NR5A2: variants seen among roughly 807,000 people sequenced by gnomAD.
NR5A2 encodes the protein nuclear receptor subfamily 5 group A member 2, also known as CYP7A promoter-binding factor.
In NR5A2, 26 loss-of-function variants were observed where a neutral mutation model predicts 62.7. The observed-to-expected ratio is 0.41, with a 90% CI of 0.30 to 0.58. The LOEUF (loss-of-function observed/expected upper bound fraction) is 0.58. NR5A2 is among the 20% of genes least tolerant of loss of function. The probability of loss-of-function intolerance (pLI) is 0.22; values close to 1 mark genes in which losing one functional copy is unlikely to be tolerated. For missense variants in NR5A2, 541 were observed against 669.1 expected (o/e 0.81, Z 2.11); for synonymous variants, 246 against 241.7 (o/e 1.02, Z -0.16).
At chr1:200,068,991 A>G (rs551896587) in intron 5 of NR5A2, among the ~76,000 whole-genome samples, 33 of 152,338 alleles carry the variant, frequency 2.2e-4, no homozygotes, top group Middle Eastern at 3.4e-3. Context: ...ACTATCAAGA[A>G]AGTCATGCCT....
chr1:200,104,953 A>G (rs754570210), intron 5 of NR5A2, among the ~76,000 whole-genome samples: 7 of 152,038 alleles, frequency 4.6e-5, no homozygotes, highest in Non-Finnish European at 1.0e-4. Flanking sequence ...GTGAACCACC[A>G]TGCCTGGCCT....
intron 5 of NR5A2, among the ~76,000 whole-genome samples, chr1:200,107,061 C>CAGTCA (rs1665712401): frequency 1.3e-5 from 2 of 152,152 alleles, no homozygotes; most frequent in Admixed American, 6.5e-5. Flanking sequence ...AATTAACAAT[C>CAGTCA]AGTCAAGTCT....
At chr1:200,085,673 A>AAAAAG (rs1283961056) in intron 5 of NR5A2, among the ~76,000 whole-genome samples, 1,249 of 114,334 alleles carry the variant, frequency 0.011, 15 homozygotes, top group African/African-American at 0.026. Flanking sequence ...AAAAAAAAAA[A>AAAAAG]AAAAGAAAAG....
chr1:200,094,018 A>C (rs1396334533), intron 5 of NR5A2, among the ~76,000 whole-genome samples: 1 of 151,844 alleles, frequency 6.6e-6, no homozygotes, highest in Non-Finnish European at 1.5e-5. Flanking sequence ...AAAATACAAA[A>C]ATTTGCTGGT....
chr1:200,161,053 T>C (rs1257097970), intron 7 of NR5A2, among the ~76,000 whole-genome samples: 1 of 152,038 alleles, frequency 6.6e-6, no homozygotes, highest in Non-Finnish European at 1.5e-5. Flanking sequence ...ATGTTTCCTA[T>C]GCTTTGGGAG....
chr1:200,057,128 G>A (rs1352418634), intron 5 of NR5A2, among the ~76,000 whole-genome samples: 1 of 152,164 alleles, frequency 6.6e-6, no homozygotes, highest in Non-Finnish European at 1.5e-5. Flanking sequence ...GTCAATTTAT[G>A]AAAAACCATT....
intron 5 of NR5A2, among the ~76,000 whole-genome samples, chr1:200,049,075 T>C (rs141664591): frequency 1.2e-3 from 181 of 152,292 alleles, no homozygotes; most frequent in African/African-American, 3.8e-3. Flanking sequence ...GGCTTTTTTT[T>C]CTAAATAGTA....
rs181507388 is a variant in NR5A2, at chr1:200,119,524, C to T, written c.1231-1284C>T. On this transcript the variant is annotated intron_variant, in intron 6 of 7. Coordinates refer to ENST00000367362, the MANE Select transcript of NR5A2 (RefSeq NM_205860.3). ...CTGGGCTTTCCCATTATGCTGTAAT[C>T]GCAGCAGCAAAGCCAGTGCTATCAC... Among the ~76,000 whole-genome samples the T allele has an allele frequency of 2.2e-3, 332 of 152,270 alleles. 1 individual carries two copies. The highest frequency in any genetic ancestry group is 7.7e-3 in the African/African-American group (322 of 41,560).
intron 5 of NR5A2, among the ~76,000 whole-genome samples, chr1:200,075,556 AC>A (rs1663985466): frequency 6.6e-6 from 1 of 152,282 alleles, no homozygotes; most frequent in Non-Finnish European, 1.5e-5. Context: ...TAAGTGCCAC[AC>A]AGAGAAGAGG....
intron 6 of NR5A2, among the ~76,000 whole-genome samples, chr1:200,116,328 G>A (rs1666213213): frequency 6.6e-6 from 1 of 152,088 alleles, no homozygotes; most frequent in African/African-American, 2.4e-5. Flanking sequence ...TAAATAATGT[G>A]GTGAATTTGT....
intron 2 of NR5A2, among the ~76,000 whole-genome samples, chr1:200,042,162 T>C (rs1662120968): frequency 6.6e-6 from 1 of 152,004 alleles, no homozygotes; most frequent in Admixed American, 6.5e-5. Flanking sequence ...CATCCCTTTA[T>C]TAATATTTCA....
chr1:200,045,592 T>C lies in NR5A2; in HGVS notation c.463+8T>C. 1 of 1,605,900 alleles carries C rather than the reference T, an allele frequency of 6.2e-7. No homozygotes were observed. Among genetic ancestry groups the C allele is most frequent in the Non-Finnish European group, 8.5e-7 (1 of 1,176,812 alleles). On this transcript the variant is annotated splice_region_variant and intron_variant, in intron 4 of 7. Coordinates refer to ENST00000367362, the MANE Select transcript of NR5A2 (RefSeq NM_205860.3). ...TTGGAATGAAGCTAGAAGGTAAGAT[T>C]CTTCTAAAGACTACTGCCTATTAAA...
Position 200,120,924 on chromosome 1 carries a change from A to G in NR5A2, c.1347A>G (p.Val449=), listed in dbSNP as rs146607552. ...RSLQFDQREF[V]CLKFLVLFSL... is the part of the protein sequence containing the mutation. Reference sequence around the variant, plus strand: ...TCCAGTTTGATCAACGAGAGTTCGTATGTCTGAAATTCTTGGTGCTCTTTA... The same window carrying G: ...TCCAGTTTGATCAACGAGAGTTCGTGTGTCTGAAATTCTTGGTGCTCTTTA... Residue 449 remains valine (V), a synonymous_variant, in exon 7 of 8, where the codon GTA becomes GTG. Coordinates refer to ENST00000367362, the MANE Select transcript of NR5A2 (RefSeq NM_205860.3). 369 of 1,613,872 alleles carry G rather than the reference A, an allele frequency of 2.3e-4. 1 individual carries two copies. The highest frequency in any genetic ancestry group is 5.3e-5 in the Non-Finnish European group (63 of 1,179,942).
intron 5 of NR5A2, among the ~76,000 whole-genome samples, chr1:200,095,080 A>G (rs535848518): frequency 6.6e-6 from 1 of 151,938 alleles, no homozygotes; most frequent in African/African-American, 2.4e-5. Context: ...GGAAGAGGGT[A>G]TAGTTTACCC....
At chr1:200,064,515 A>G (rs2102202715) in intron 5 of NR5A2, among the ~76,000 whole-genome samples, 1 of 152,300 alleles carries the variant, frequency 6.6e-6, no homozygotes, top group Admixed American at 6.5e-5. Context: ...CTGGAAGGAC[A>G]AGGATAGGGA....
At chr1:200,049,062 T>C (rs933045655) in intron 5 of NR5A2, among the ~76,000 whole-genome samples, 1 of 152,162 alleles carries the variant, frequency 6.6e-6, no homozygotes, top group African/African-American at 2.4e-5. Flanking sequence ...TATAGGAAAC[T>C]CGGGCTTTTT....
chr1:200,113,028 A>T (rs994419235), intron 6 of NR5A2, among the ~76,000 whole-genome samples: 4 of 152,202 alleles, frequency 2.6e-5, no homozygotes, highest in African/African-American at 9.7e-5. Flanking sequence ...ATTACTATTT[A>T]AAAAATAGAG....
intron 2 of NR5A2, among the ~76,000 whole-genome samples, chr1:200,043,532 T>C (rs2102154557): frequency 6.6e-6 from 1 of 152,358 alleles, no homozygotes. Flanking sequence ...CAGTTTAAAA[T>C]GTTAACAAAA....
chr1:200,029,104 G>T (rs535409647), intron 1 of NR5A2: 1 of 444,282 alleles, frequency 2.3e-6, no homozygotes, highest in African/African-American at 2.1e-5. Context: ...TTTTCGTCGG[G>T]CAGAACCGCC....
Sources: allele counts gnomAD v4.1 joint callset (sites outside exome capture counted in the v4.1 genomes callset), GRCh38; gene constraint gnomAD v4.1.1; transcripts MANE v1.5; gene names NCBI Gene and HGNC (gene_info 2026-07-23, HGNC 2026-07-21).